FGF14: variants seen among roughly 807,000 people sequenced by gnomAD.
FGF14 encodes the protein fibroblast growth factor 14, also known as fibroblast growth factor homologous factor 4.
FGF14 carries 5 observed loss-of-function variants against 25.5 expected under a neutral mutation model. The observed-to-expected ratio is 0.20, with a 90% CI of 0.10 to 0.41. The LOEUF (loss-of-function observed/expected upper bound fraction) is 0.41. Among genes scored for constraint, FGF14 ranks in the 10% least tolerant of loss-of-function variants. FGF14 has a pLI of 1.00. For missense variants in FGF14, 222 were observed against 320.1 expected (o/e 0.69, Z 2.34); for synonymous variants, 138 against 118.3 (o/e 1.17, Z -1.08).
rs1280216460 is a variant in FGF14, at chr13:102,224,279, C to T, written c.208+177192G>A. ...ATCGGCAGGGTCTTTGCAGGGCTTG[C>T]AAAGAAACACCAGATTAAAGGAATT... On this transcript the variant is annotated intron_variant, in intron 1 of 4. Transcript: ENST00000376131. Among the ~76,000 whole-genome samples the T allele has an allele frequency of 2.0e-5, 3 of 152,048 alleles. No homozygotes were observed. The East Asian group carries it at 5.8e-4, about 29-fold the overall frequency.
intron 1 of FGF14, among the ~76,000 whole-genome samples, chr13:102,336,600 A>C (rs1418687442): frequency 6.6e-6 from 1 of 152,218 alleles, no homozygotes; most frequent in Non-Finnish European, 1.5e-5. Context: ...TCTACACTAA[A>C]CAACAGATTT....
intron 1 of FGF14, among the ~76,000 whole-genome samples, chr13:102,280,474 G>C (rs7338212): frequency 0.28 from 42,034 of 152,076 alleles, 6,136 homozygotes; most frequent in Admixed American, 0.39. Flanking sequence ...AGAAAGGAGA[G>C]AGGGCAAGCC....
rs955440791 is a variant in FGF14, at chr13:101,836,993, C to A, written c.408+31732G>T. Among the ~76,000 whole-genome samples the A allele has an allele frequency of 4.6e-5, 7 of 152,066 alleles. No individual in the cohort carries two copies. The East Asian group carries it at 1.4e-3, about 29-fold the overall frequency. ...AGTTTATTAGACTTTCTTTTAGCATCTATGAATATAATGAGAGGAACTTTC... is the reference window on the plus strand; with the variant it reads ...AGTTTATTAGACTTTCTTTTAGCATATATGAATATAATGAGAGGAACTTTC... On this transcript the variant is annotated intron_variant, in intron 3 of 4. Transcript: ENST00000376143.
chr13:102,078,140 G>T (rs1566656504), intron 1 of FGF14, among the ~76,000 whole-genome samples: 1 of 152,104 alleles, frequency 6.6e-6, no homozygotes, highest in Admixed American at 6.6e-5. Flanking sequence ...GGTACGGGGT[G>T]GGGGCTCAGA....
intron 1 of FGF14, among the ~76,000 whole-genome samples, chr13:102,398,335 C>A (rs1358288028): frequency 6.6e-6 from 1 of 152,144 alleles, no homozygotes; most frequent in Non-Finnish European, 1.5e-5. Flanking sequence ...TTCACACCAA[C>A]TTGATTATAT....
intron 1 of FGF14, among the ~76,000 whole-genome samples, chr13:102,256,096 A>T (rs2052423267): frequency 6.6e-6 from 1 of 152,214 alleles, no homozygotes; most frequent in African/African-American, 2.4e-5. Context: ...CTCAAACTCT[A>T]AATCAGGATG....
rs1438466322 is a variant in FGF14, at chr13:102,206,012, A to T, written c.208+195459T>A. ...AAAAAAAAAAAAAAAAAAAAAAAAA[A>T]AAAAAAAAAAAAAAAAAAAAAAGCA... On this transcript the variant is annotated intron_variant, in intron 1 of 4. Coordinates refer to the FGF14 transcript ENST00000376131. Among the ~76,000 whole-genome samples, 230 of 44,714 alleles carry T rather than the reference A, an allele frequency of 5.1e-3. 42 individuals carry two copies. Among genetic ancestry groups the T allele is most frequent in the African/African-American group, 0.049 (210 of 4,326 alleles). The allele number at this position is 44,714 out of a possible 152,430, so 29.3% of individuals were successfully genotyped here.
chr13:101,775,944 C>T (rs1233201777), intron 3 of FGF14, among the ~76,000 whole-genome samples: 1 of 152,120 alleles, frequency 6.6e-6, no homozygotes, highest in Non-Finnish European at 1.5e-5. Context: ...TTATAAAATA[C>T]ATTGCATGGC....
chr13:101,714,557 G>C lies in FGF14; in HGVS notation c.*8274C>G. ...TGATGGTCTCATTTGTACAGGTGCA[G>C]TATTAACCTTTTCTAATTGCTCTAT... On this transcript the variant is annotated 3_prime_UTR_variant, in exon 5 of 5. Transcript: ENST00000376143. 6.6e-7 allele frequency: 1 copy of C among 1,516,232 alleles called. No homozygotes were observed. Among genetic ancestry groups the C allele is most frequent in the African/African-American group, 1.4e-5 (1 of 73,020 alleles). 93.9% of individuals were successfully genotyped at this position (1,516,232 alleles called of 1,614,324 possible).
chr13:102,313,094 C>A (rs1186564978), intron 1 of FGF14, among the ~76,000 whole-genome samples: 3 of 152,214 alleles, frequency 2.0e-5, no homozygotes, highest in Admixed American at 6.5e-5. Context: ...GCACTGATAG[C>A]CTTACAGTTC....
chr13:102,104,619 T>TAC (rs778679228), intron 1 of FGF14, among the ~76,000 whole-genome samples: 43 of 151,574 alleles, frequency 2.8e-4, no homozygotes, highest in East Asian at 5.8e-4. Flanking sequence ...CTACAAAAAA[T>TAC]ACACACACAC....
intron 1 of FGF14, among the ~76,000 whole-genome samples, chr13:102,067,648 T>C (rs1292411514): frequency 6.7e-6 from 1 of 150,038 alleles, no homozygotes; most frequent in African/African-American, 2.5e-5. Context: ...GCATGCCTAC[T>C]AGATCTACAA....
intron 1 of FGF14, among the ~76,000 whole-genome samples, chr13:102,063,235 C>G (rs988672445): frequency 6.6e-6 from 1 of 152,096 alleles, no homozygotes; most frequent in African/African-American, 2.4e-5. Context: ...GACATAGATA[C>G]AAAATATGTC....
chr13:101,843,876 C>A (rs1361999691), intron 3 of FGF14, among the ~76,000 whole-genome samples: 1 of 151,970 alleles, frequency 6.6e-6, no homozygotes, highest in Non-Finnish European at 1.5e-5. Context: ...ACAGTAAGAA[C>A]ATGAGACCTA....
chr13:102,374,225 C>T (rs1044888904), intron 1 of FGF14, among the ~76,000 whole-genome samples: 2 of 152,118 alleles, frequency 1.3e-5, no homozygotes, highest in African/African-American at 4.8e-5. Context: ...ATTATTTACA[C>T]TTCTCTTTCA....
intron 1 of FGF14, among the ~76,000 whole-genome samples, chr13:102,009,534 C>T (rs2039974746): frequency 1.3e-5 from 2 of 151,956 alleles, no homozygotes; most frequent in Admixed American, 1.3e-4. Context: ...AAAGTTTAGT[C>T]AAAATATATG....
At chr13:101,900,516 G>A (rs1039461560) in intron 1 of FGF14, among the ~76,000 whole-genome samples, 3 of 152,098 alleles carry the variant, frequency 2.0e-5, no homozygotes, top group Non-Finnish European at 2.9e-5. Context: ...TGAACTACTA[G>A]CAGAGATAAC....
At chr13:102,063,372 T>C (rs1021262218) in intron 1 of FGF14, among the ~76,000 whole-genome samples, 1 of 152,170 alleles carries the variant, frequency 6.6e-6, no homozygotes, top group African/African-American at 2.4e-5. Context: ...CTGAGCACTG[T>C]GAGAGGCCAA....
chr13:102,079,406 A>G (rs2043512523), intron 1 of FGF14, among the ~76,000 whole-genome samples: 1 of 152,110 alleles, frequency 6.6e-6, no homozygotes, highest in Non-Finnish European at 1.5e-5. Context: ...TAAGTTATTC[A>G]TTGATCTATT....
Sources: allele counts gnomAD v4.1 joint callset (sites outside exome capture counted in the v4.1 genomes callset), GRCh38; gene constraint gnomAD v4.1.1; transcripts MANE v1.5; gene names NCBI Gene and HGNC (gene_info 2026-07-23, HGNC 2026-07-21).